Variants in ARHGAP25 observed in about 807,000 individuals in gnomAD.
ARHGAP25 encodes Rho GTPase activating protein 25.
Under a neutral mutation model 71.0 loss-of-function variants are expected in ARHGAP25, and 34 were observed. The ratio of observed to expected loss-of-function variants is 0.48; its 90% CI spans 0.36 to 0.64. The LOEUF (loss-of-function observed/expected upper bound fraction) is 0.64. Among genes scored for constraint, ARHGAP25 ranks in the 30% least tolerant of loss-of-function variants. The pLI is 0.00. For missense variants in ARHGAP25, 706 were observed against 805.1 expected (o/e 0.88, Z 1.49); for synonymous variants, 282 against 296.5 (o/e 0.95, Z 0.50).
At chr2:68,802,949 G>GTA (rs1382539464) in intron 4 of ARHGAP25, among the ~76,000 whole-genome samples, 2 of 147,756 alleles carry the variant, frequency 1.4e-5, no homozygotes, top group East Asian at 2.0e-4. Context: ...ATATGTGTGT[G>GTA]TATATATATA....
chr2:68,781,774 G>A (rs777140791), intron 2 of ARHGAP25, among the ~76,000 whole-genome samples: 7 of 152,294 alleles, frequency 4.6e-5, no homozygotes, highest in Non-Finnish European at 5.9e-5. Flanking sequence ...AAGGTGGTTA[G>A]TGAAGGTGCG....
intron 1 of ARHGAP25, among the ~76,000 whole-genome samples, chr2:68,766,461 G>A (rs1004433697): frequency 4.6e-5 from 7 of 152,108 alleles, no homozygotes; most frequent in East Asian, 3.8e-4. Context: ...AGAGACAGGC[G>A]GAGAGGGCTG....
At chr2:68,748,279 C>T (rs1163534323) in intron 1 of ARHGAP25, among the ~76,000 whole-genome samples, 2 of 152,226 alleles carry the variant, frequency 1.3e-5, no homozygotes, top group Non-Finnish European at 2.9e-5. Context: ...CTTTCCTCCA[C>T]TCCATCCAGT....
At chr2:68,798,168 A>G (rs1441695206) in intron 4 of ARHGAP25, among the ~76,000 whole-genome samples, 5 of 152,210 alleles carry the variant, frequency 3.3e-5, no homozygotes, top group African/African-American at 1.2e-4. Flanking sequence ...GTATGTAAAT[A>G]TTGAATTGTT....
intron 1 of ARHGAP25, among the ~76,000 whole-genome samples, chr2:68,758,075 A>G (rs1302136014): frequency 6.6e-6 from 1 of 152,064 alleles, no homozygotes; most frequent in East Asian, 1.9e-4. Context: ...GTGTAATCCC[A>G]ATTGTAACCA....
upstream of ARHGAP25, among the ~76,000 whole-genome samples, chr2:68,733,685 C>T (rs141913440): frequency 1.2e-3 from 186 of 152,270 alleles, 1 homozygote; most frequent in African/African-American, 3.7e-3. Context: ...TGGACATTCT[C>T]TTTCAGTTAC....
intron 1 of ARHGAP25, among the ~76,000 whole-genome samples, chr2:68,737,595 T>C (rs1431766745): frequency 6.6e-6 from 1 of 152,210 alleles, no homozygotes; most frequent in Non-Finnish European, 1.5e-5. Flanking sequence ...ATATCTTCTC[T>C]AATTGAGAAC....
chr2:68,791,804 C>T (rs569242839), intron 4 of ARHGAP25, among the ~76,000 whole-genome samples: 17 of 152,240 alleles, frequency 1.1e-4, no homozygotes, highest in Non-Finnish European at 2.9e-5. Context: ...ATAGTCTTCA[C>T]GGCATTCCCA....
intron 1 of ARHGAP25, among the ~76,000 whole-genome samples, chr2:68,768,508 G>A (rs1351455132): frequency 6.6e-6 from 1 of 152,198 alleles, no homozygotes; most frequent in Admixed American, 6.5e-5. Flanking sequence ...GAAGTGTGGA[G>A]CTTTACTAAA....
intron 1 of ARHGAP25, among the ~76,000 whole-genome samples, chr2:68,754,870 G>A (rs550273286): frequency 6.6e-6 from 1 of 152,102 alleles, no homozygotes; most frequent in Non-Finnish European, 1.5e-5. Context: ...ATTTGGTAAA[G>A]TCTCAGATCA....
chr2:68,806,407 C>G (rs1232968092), intron 4 of ARHGAP25, among the ~76,000 whole-genome samples: 1 of 152,206 alleles, frequency 6.6e-6, no homozygotes, highest in Non-Finnish European at 1.5e-5. Flanking sequence ...ATGTGATAGA[C>G]TACAGTAGTC....
chr2:68,812,054 C>T (rs771238224), intron 5 of ARHGAP25, among the ~76,000 whole-genome samples: 2 of 152,192 alleles, frequency 1.3e-5, no homozygotes, highest in African/African-American at 4.8e-5. Flanking sequence ...TCAATGCAAT[C>T]GCCTTGTAAG....
chr2:68,765,194 A>T (rs534257842), intron 1 of ARHGAP25, among the ~76,000 whole-genome samples: 3 of 152,290 alleles, frequency 2.0e-5, no homozygotes, highest in African/African-American at 7.2e-5. Context: ...TCAGCTGATA[A>T]AGTGACAGTG....
At chr2:68,744,652 T>C (rs1020572643) in intron 1 of ARHGAP25, among the ~76,000 whole-genome samples, 2 of 152,180 alleles carry the variant, frequency 1.3e-5, no homozygotes, top group Non-Finnish European at 2.9e-5. Context: ...CCTAGATATC[T>C]ACAAGGGGCA....
intron 2 of ARHGAP25, among the ~76,000 whole-genome samples, chr2:68,777,783 G>A (rs1001334262): frequency 1.3e-5 from 2 of 152,118 alleles, no homozygotes; most frequent in Non-Finnish European, 2.9e-5. Context: ...AAAGAATAGT[G>A]TATTTTACCA....
intron 2 of ARHGAP25, among the ~76,000 whole-genome samples, chr2:68,714,041 A>T (rs1296542106): frequency 6.6e-6 from 1 of 152,182 alleles, no homozygotes; most frequent in African/African-American, 2.4e-5. Context: ...TATTGTTTGA[A>T]ATAGTTTCAG....
intron 4 of ARHGAP25, among the ~76,000 whole-genome samples, chr2:68,800,741 ATATT>A (rs1247025801): frequency 6.6e-6 from 1 of 152,180 alleles, no homozygotes; most frequent in Non-Finnish European, 1.5e-5. Context: ...TGGAACAATA[ATATT>A]TACTTTGTAG....
At chr2:68,764,496 T>G (rs576577047) in intron 1 of ARHGAP25, among the ~76,000 whole-genome samples, 1 of 152,168 alleles carries the variant, frequency 6.6e-6, no homozygotes, top group Non-Finnish European at 1.5e-5. Context: ...GTTCATTTTC[T>G]TCTTGTTTTT....
chr2:68,728,747 T>G, intron 2 of ARHGAP25, among the ~76,000 whole-genome samples: 1 of 152,060 alleles, frequency 6.6e-6, no homozygotes, highest in Admixed American at 6.5e-5. Flanking sequence ...GTAATATAAG[T>G]AAACATAAGT....
Sources: allele counts gnomAD v4.1 joint callset (sites outside exome capture counted in the v4.1 genomes callset), GRCh38; gene constraint gnomAD v4.1.1; transcripts MANE v1.5; gene names NCBI Gene and HGNC (gene_info 2026-07-23, HGNC 2026-07-21).